THSD4: variants seen among roughly 807,000 people sequenced by gnomAD.
THSD4 encodes thrombospondin type-1 domain-containing protein 4.
Under a neutral mutation model 119.0 loss-of-function variants are expected in THSD4, and 69 were observed. The observed-to-expected ratio is 0.58, with a 90% CI of 0.48 to 0.71. The LOEUF (loss-of-function observed/expected upper bound fraction) is 0.71. Ranked by LOEUF, THSD4 falls within the 30% of genes least tolerant of loss-of-function variation. The pLI is 0.00. For synonymous variants in THSD4, 524 were observed against 540.4 expected, an observed-to-expected ratio of 0.97 and a Z score of 0.42; for missense variants, 1,393 against 1,391.1, an observed-to-expected ratio of 1.00 and a Z score of -0.02.
intron 7 of THSD4, among the ~76,000 whole-genome samples, chr15:71,455,843 G>A (rs1403191666): frequency 1.3e-5 from 2 of 152,152 alleles, no homozygotes; most frequent in Admixed American, 6.5e-5. Flanking sequence ...AAAGCAAGGA[G>A]TGCAATTTTT....
rs1328564336 is a variant in THSD4, at chr15:71,745,184, T to A, written c.1985T>A (p.Met662Lys). ...EAPESYCDSS[M>K]KPTPEEEPCN... ...CCTGAGAGTTACTGTGACTCCAGCA[T>A]GAAGCCGACCCCCGAGGAGGAGCCC... Residue 662 changes from methionine to lysine, a missense_variant, in exon 12 of 18, where the codon ATG (methionine) becomes AAG (lysine). By Grantham distance (95) the Met-to-Lys change is moderately conservative. Transcript: ENST00000261862. The A allele has an allele frequency of 6.2e-7, 1 of 1,612,992 alleles. No homozygotes were observed. Among genetic ancestry groups the A allele is most frequent in the African/African-American group, 1.3e-5 (1 of 74,848 alleles).
chr15:71,302,805 TC>T (rs34904532), intron 6 of THSD4, among the ~76,000 whole-genome samples: 1 of 151,798 alleles, frequency 6.6e-6, no homozygotes, highest in Non-Finnish European at 1.5e-5. Flanking sequence ...GTACACACCT[TC>T]CCCCTTCTTC....
chr15:71,762,613 G>A (rs1354207152), intron 15 of THSD4, among the ~76,000 whole-genome samples: 2 of 152,074 alleles, frequency 1.3e-5, no homozygotes, highest in African/African-American at 4.8e-5. Flanking sequence ...CATTCCTCCT[G>A]CAGGAGAGGC....
At chr15:71,280,595 A>G (rs2044639619) in intron 6 of THSD4, among the ~76,000 whole-genome samples, 1 of 150,484 alleles carries the variant, frequency 6.6e-6, no homozygotes, top group Non-Finnish European at 1.5e-5. Context: ...TCTTTTCCTC[A>G]TTCCCTCCCT....
intron 6 of THSD4, among the ~76,000 whole-genome samples, chr15:71,261,641 G>C (rs1252092273): frequency 6.6e-6 from 1 of 152,140 alleles, no homozygotes; most frequent in African/African-American, 2.4e-5. Context: ...TATGGTAGGG[G>C]ACCCACATCG....
At chr15:71,273,402 G>A (rs1355015018) in intron 6 of THSD4, among the ~76,000 whole-genome samples, 3 of 152,096 alleles carry the variant, frequency 2.0e-5, no homozygotes, top group African/African-American at 7.2e-5. Flanking sequence ...GGGAGTGGGT[G>A]GTGAAAAGTA....
intron 7 of THSD4, among the ~76,000 whole-genome samples, chr15:71,472,762 G>A (rs72760699): frequency 0.05 from 7,623 of 152,270 alleles, 273 homozygotes; most frequent in East Asian, 0.19. Context: ...AGGCTGACTT[G>A]TGTGTTATTC....
chr15:71,355,172 G>T (rs1243482116), intron 6 of THSD4, among the ~76,000 whole-genome samples: 1 of 152,150 alleles, frequency 6.6e-6, no homozygotes, highest in Non-Finnish European at 1.5e-5. Context: ...TCTGTGTACT[G>T]CAGATCAAAT....
At chr15:71,706,999 G>A (rs2052405401) in intron 8 of THSD4, among the ~76,000 whole-genome samples, 2 of 152,142 alleles carry the variant, frequency 1.3e-5, no homozygotes, top group Admixed American at 6.5e-5. Context: ...GCGTGACAGA[G>A]GATAATCCTG....
chr15:71,713,584 A>G (rs1049233772), intron 8 of THSD4, among the ~76,000 whole-genome samples: 1 of 152,152 alleles, frequency 6.6e-6, no homozygotes, highest in Non-Finnish European at 1.5e-5. Flanking sequence ...GTGATATTTC[A>G]CAATCCCCTC....
At chr15:71,522,466 G>T (rs992309210) in intron 7 of THSD4, among the ~76,000 whole-genome samples, 2 of 152,162 alleles carry the variant, frequency 1.3e-5, no homozygotes, top group African/African-American at 4.8e-5. Context: ...TAGGAGTGGG[G>T]ATGAGGGAGG....
chr15:71,538,444 T>C (rs527401026), intron 7 of THSD4, among the ~76,000 whole-genome samples: 1 of 152,368 alleles, frequency 6.6e-6, no homozygotes, highest in East Asian at 1.9e-4. Context: ...CTGTCGCTGG[T>C]TGTTTTTGCC....
chr15:71,099,006 T>C (rs998131588), intron 1 of THSD4, among the ~76,000 whole-genome samples: 6 of 152,170 alleles, frequency 3.9e-5, no homozygotes, highest in Non-Finnish European at 7.3e-5. Context: ...CTGGTTGCAA[T>C]TGGATTACAA....
At chr15:71,222,327 C>A (rs28700084) in intron 4 of THSD4, among the ~76,000 whole-genome samples, 2 of 152,064 alleles carry the variant, frequency 1.3e-5, no homozygotes, top group Non-Finnish European at 2.9e-5. Context: ...CTAAAGGGCC[C>A]GATATCAGGC....
intron 7 of THSD4, among the ~76,000 whole-genome samples, chr15:71,641,681 T>A (rs1461473340): frequency 1.3e-5 from 2 of 152,124 alleles, no homozygotes; most frequent in Non-Finnish European, 2.9e-5. Context: ...CAGTTTAGAA[T>A]CCCTTATGTC....
intron 7 of THSD4, among the ~76,000 whole-genome samples, chr15:71,615,444 T>C (rs549181722): frequency 7.9e-5 from 12 of 152,058 alleles, no homozygotes; most frequent in Non-Finnish European, 1.6e-4. Context: ...AGAACCAGGG[T>C]AAGAAGGGAA....
intron 3 of THSD4, among the ~76,000 whole-genome samples, chr15:71,211,944 G>T (rs2043891167): frequency 6.6e-6 from 1 of 152,112 alleles, no homozygotes; most frequent in African/African-American, 2.4e-5. Flanking sequence ...CCTAATTTTA[G>T]GAATATTATG....
intron 7 of THSD4, among the ~76,000 whole-genome samples, chr15:71,427,329 T>C (rs2046884825): frequency 6.7e-6 from 1 of 150,350 alleles, no homozygotes; most frequent in Non-Finnish European, 1.5e-5. Context: ...TAAAACCTAG[T>C]GGGAAAAGTA....
chr15:71,373,964 C>G (rs1421541728), intron 6 of THSD4, among the ~76,000 whole-genome samples: 1 of 152,210 alleles, frequency 6.6e-6, no homozygotes, highest in Non-Finnish European at 1.5e-5. Flanking sequence ...GTCACTAGGA[C>G]AACCCTTCCC....
Sources: allele counts gnomAD v4.1 joint callset (sites outside exome capture counted in the v4.1 genomes callset), GRCh38; gene constraint gnomAD v4.1.1; transcripts MANE v1.5; gene names NCBI Gene and HGNC (gene_info 2026-07-23, HGNC 2026-07-21).